ZNF227: variants seen among roughly 807,000 people sequenced by gnomAD.
The protein encoded by ZNF227 is zinc finger protein 227.
A neutral mutation model predicts 13.2 loss-of-function variants in ZNF227; 12 were observed. The observed-to-expected ratio is 0.91, with a 90% CI of 0.58 to 1.47. ZNF227 has a LOEUF of 1.47. Among genes scored for constraint, ZNF227 ranks in the 40% most tolerant of loss-of-function variants. ZNF227 has a pLI of 0.00. For synonymous variants in ZNF227, 338 were observed against 326.0 expected (o/e 1.04, Z -0.40); for missense variants, 885 against 967.5 (o/e 0.91, Z 1.13).
At chr19:44,215,242 C>A (rs929343622) in intron 2 of ZNF227, among the ~76,000 whole-genome samples, 18 of 150,950 alleles carry the variant, frequency 1.2e-4, no homozygotes, top group Middle Eastern at 3.4e-3. Context: ...TCTCGGTTCA[C>A]TGCAGCCTCT....
intron 5 of ZNF227, among the ~76,000 whole-genome samples, chr19:44,231,074 A>G (rs1973783182): frequency 6.6e-6 from 1 of 151,048 alleles, no homozygotes; most frequent in Admixed American, 6.6e-5. Flanking sequence ...CCACACACAC[A>G]AAATTAAAAG....
At chr19:44,225,878 TC>T (rs985318085) in intron 3 of ZNF227, among the ~76,000 whole-genome samples, 1 of 152,208 alleles carries the variant, frequency 6.6e-6, no homozygotes, top group African/African-American at 2.4e-5. Flanking sequence ...CTCTGTTTTT[TC>T]CCCATCTTTA....
chr19:44,228,726 T>C, intron 4 of ZNF227, 154 bp downstream of exon 4: 1 of 968,640 alleles, frequency 1.0e-6, no homozygotes, highest in Non-Finnish European at 1.4e-6. Context: ...GTTTTTCTGG[T>C]CTTTCTGCTC....
At position 44,235,142 on chromosome 19, in the gene ZNF227, G is replaced by A; in HGVS notation, c.712G>A (p.Gly238Ser). 1 of 1,614,112 alleles carries A rather than the reference G, an allele frequency of 6.2e-7. No homozygotes were observed. Among genetic ancestry groups the A allele is most frequent in the Non-Finnish European group, 8.5e-7 (1 of 1,180,034 alleles). Residue 238 changes from glycine (G) to serine (S), a missense_variant, in exon 6 of 6, where the codon GGC becomes AGC. Transcript: ENST00000313040. ...GNEYGKIISD[G>S]SNQKLPLGEK... is the part of the protein sequence containing the mutation. ...TGAATATGGCAAAATCATTAGTGATGGCTCCAATCAGAAATTACCCTTAGG... is the reference window on the plus strand; with the variant it reads ...TGAATATGGCAAAATCATTAGTGATAGCTCCAATCAGAAATTACCCTTAGG...
chr19:44,211,834 AGTG>A (rs1264782411), upstream of ZNF227, among the ~76,000 whole-genome samples: 4 of 143,064 alleles, frequency 2.8e-5, no homozygotes, highest in Non-Finnish European at 6.1e-5. Context: ...TTTTTTTGGA[AGTG>A]GTGGGTATAA....
intron 5 of ZNF227, among the ~76,000 whole-genome samples, chr19:44,231,428 T>C (rs1599838526): frequency 6.6e-6 from 1 of 152,130 alleles, no homozygotes; most frequent in Middle Eastern, 3.4e-3. Flanking sequence ...CTTCGCCTCC[T>C]GGGTTCAAGC....
chr19:44,221,063 A>G (rs1972453367), intron 3 of ZNF227, among the ~76,000 whole-genome samples: 1 of 151,876 alleles, frequency 6.6e-6, no homozygotes, highest in African/African-American at 2.4e-5. Flanking sequence ...TCATTGTTGG[A>G]CATTTGGGTT....
intron 5 of ZNF227, among the ~76,000 whole-genome samples, chr19:44,231,073 C>A (rs961258354): frequency 1.3e-5 from 2 of 150,402 alleles, no homozygotes; most frequent in Non-Finnish European, 3.0e-5. Flanking sequence ...CCCACACACA[C>A]AAAATTAAAA....
At chr19:44,210,298 G>C (rs1290117129), upstream of ZNF227, among the ~76,000 whole-genome samples, 1 of 152,046 alleles carries the variant, frequency 6.6e-6, no homozygotes, top group Non-Finnish European at 1.5e-5. Flanking sequence ...TATCCCCTGA[G>C]GTTAACATTT....
chr19:44,217,907 A>C (rs1340862197), intron 3 of ZNF227, 55 bp downstream of exon 3: 3 of 1,591,780 alleles, frequency 1.9e-6, no homozygotes, highest in Non-Finnish European at 2.6e-6. Flanking sequence ...CTCAAAGATA[A>C]CAGATTTATT....
upstream of ZNF227, chr19:44,212,492 G>A (rs901708992): frequency 2.0e-5 from 3 of 151,648 alleles, no homozygotes; most frequent in Non-Finnish European, 4.4e-5. Context: ...GCAGGAGCGC[G>A]GGCCTTCTGG....
upstream of ZNF227, among the ~76,000 whole-genome samples, chr19:44,211,600 T>C (rs775058916): frequency 4.0e-4 from 61 of 152,208 alleles, no homozygotes; most frequent in Non-Finnish European, 7.2e-4. Context: ...TGATCTACCA[T>C]ATGCCAAAGC....
chr19:44,236,920 TGA>T lies in ZNF227; in HGVS notation c.*94_*95del, dbSNP rs1974572286. On this transcript the variant is annotated 3_prime_UTR_variant, in exon 6 of 6. Coordinates refer to ENST00000313040, the MANE Select transcript of ZNF227 (RefSeq NM_182490.3). ...CTGGTGGTAAACCCTGTAAAACTAC[TGA>T]GAGTGGAAGGGGGTTTGTTCACACT... 2 of 1,039,578 alleles carry T rather than the reference TGA, an allele frequency of 1.9e-6. No homozygotes were observed. Among genetic ancestry groups the T allele is most frequent in the African/African-American group, 3.2e-5 (2 of 62,088 alleles). The allele number at this position is 1,039,578 out of a possible 1,614,324, so 64.4% of individuals were successfully genotyped here. A position where few individuals can be genotyped will look rare whatever the true frequency, so the allele number is the denominator to read the frequency against.
At chr19:44,216,963 T>TG (rs1001487040) in intron 2 of ZNF227, among the ~76,000 whole-genome samples, 1 of 145,268 alleles carries the variant, frequency 6.9e-6, no homozygotes, top group African/African-American at 2.6e-5. Context: ...TGCTTGTTTT[T>TG]TTTTTTTTTT....
Position 44,235,181 on chromosome 19 carries a change from C to G in ZNF227, c.751C>G (p.Pro251Ala), listed in dbSNP as rs1378793052. The G allele has an allele frequency of 2.5e-6, 4 of 1,613,904 alleles. No homozygotes were observed. The highest frequency in any genetic ancestry group is 3.4e-6 in the Non-Finnish European group (4 of 1,180,020). The change falls in exon 6 of 6, where the codon CCA becomes GCA. Residue 251 changes from proline (P) to alanine (A), a missense_variant. Transcript: ENST00000313040. ...ATTACCCTTAGGAGAGAAACCCCAT[C>G]CATGTGGTGAGTGTGGAAGGGGCTT... Reference protein sequence around the residue: ...QKLPLGEKPHPCGECGRGFSY... With the variant: ...QKLPLGEKPHACGECGRGFSY...
chr19:44,216,955 CTTGT>C (rs1333814081), intron 2 of ZNF227, among the ~76,000 whole-genome samples: 2 of 132,520 alleles, frequency 1.5e-5, no homozygotes, highest in Non-Finnish European at 3.1e-5. Context: ...GTATCATCTG[CTTGT>C]TTTTTTTTTT....
intron 2 of ZNF227, chr19:44,217,541 CCT>C (rs753422521): frequency 3.0e-5 from 20 of 669,904 alleles, no homozygotes; most frequent in African/African-American, 1.4e-4. Flanking sequence ...TGTTACATTG[CCT>C]CTCGTTTCCT....
rs1403088518 is a variant in ZNF227 at position 44,235,226 on chromosome 19, C to T, written c.796C>T (p.Pro266Ser). ...GGGCTTCAGTTATAGCCCAAGGCTT[C>T]CCCTTCATCCGAATGTTCATACAGG... The part of the protein sequence containing the change: ...GRGFSYSPRL[P>S]LHPNVHTGEK... The change falls in exon 6 of 6, where the codon CCC (proline) becomes TCC (serine). Residue 266 changes from proline to serine, a missense_variant. Physicochemically the swap from Pro to Ser is moderately conservative, Grantham distance 74. Transcript: ENST00000313040. 1 of 1,614,052 alleles carries T rather than the reference C, an allele frequency of 6.2e-7. No homozygotes were observed. Among genetic ancestry groups the T allele is most frequent in the African/African-American group, 1.3e-5 (1 of 75,022 alleles).
At chr19:44,212,642 G>C (rs1335097322) in intron 1 of ZNF227, 57 bp downstream of exon 1, 1 of 152,146 alleles carries the variant, frequency 6.6e-6, no homozygotes, top group Non-Finnish European at 1.5e-5. Context: ...CTGTGCTTGG[G>C]AATAGGCGCT....
Sources: allele counts gnomAD v4.1 joint callset (sites outside exome capture counted in the v4.1 genomes callset), GRCh38; gene constraint gnomAD v4.1.1; transcripts MANE v1.5; gene names NCBI Gene and HGNC (gene_info 2026-07-23, HGNC 2026-07-21).